BSPH1: variants seen among roughly 807,000 people sequenced by gnomAD.
BSPH1 encodes binder of sperm 1.
In BSPH1, 21 loss-of-function variants were observed where a neutral mutation model predicts 22.5. The ratio of observed to expected loss-of-function variants is 0.93; its 90% confidence interval spans 0.66 to 1.35. BSPH1 has a LOEUF of 1.35. Ranked by LOEUF, BSPH1 falls within the 40% of genes most tolerant of loss-of-function variation. The pLI, the probability that BSPH1 is intolerant of heterozygous loss-of-function variation, is 0.00. For synonymous variants in BSPH1, 42 were observed against 53.6 expected (o/e 0.78, Z 0.95); for missense variants, 141 against 154.2 (o/e 0.91, Z 0.45).
At chr19:47,970,861 A>G (rs570106621) in intron 5 of BSPH1, among the ~76,000 whole-genome samples, 1 of 152,326 alleles carries the variant, frequency 6.6e-6, no homozygotes, top group East Asian at 1.9e-4. Context: ...TGGCTCAGGT[A>G]GTCGCTCCTT....
At chr19:47,991,057 T>C (rs1969518156) in intron 1 of BSPH1, among the ~76,000 whole-genome samples, 1 of 150,982 alleles carries the variant, frequency 6.6e-6, no homozygotes, top group Non-Finnish European at 1.5e-5. Flanking sequence ...TCTTTTTCTT[T>C]CTTAAGGTAC....
chr19:47,970,558 T>C (rs776539050), intron 5 of BSPH1, among the ~76,000 whole-genome samples: 1 of 152,220 alleles, frequency 6.6e-6, no homozygotes, highest in Non-Finnish European at 1.5e-5. Context: ...ATCCTAATGC[T>C]GTGTCCCGAT....
At chr19:47,968,681 T>TAAAAAAAAAAA in intron 5 of BSPH1, among the ~76,000 whole-genome samples, 1 of 92,242 alleles carries the variant, frequency 1.1e-5, no homozygotes, top group Non-Finnish European at 2.0e-5. Flanking sequence ...GACCCTGTCT[T>TAAAAAAAAAAA]AAAAAAAAAA....
intron 1 of BSPH1, among the ~76,000 whole-genome samples, chr19:47,984,995 A>G (rs538253308): frequency 6.7e-5 from 10 of 148,888 alleles, no homozygotes; most frequent in African/African-American, 2.0e-4. Flanking sequence ...TGAACCTGGG[A>G]GGCAGAGGTT....
At chr19:47,989,112 TA>T (rs1339726629) in intron 1 of BSPH1, among the ~76,000 whole-genome samples, 487 of 30,444 alleles carry the variant, frequency 0.016, 4 homozygotes, top group Middle Eastern at 0.036. Context: ...GTCACCGTTT[TA>T]TTATTATTAT....
chr19:47,985,872 A>G (rs1383266376), intron 1 of BSPH1, among the ~76,000 whole-genome samples: 2 of 152,082 alleles, frequency 1.3e-5, no homozygotes, highest in Admixed American at 6.6e-5. Flanking sequence ...GAATGTAAAT[A>G]AAATGAAAGC....
At chr19:47,967,374 C>G (rs944661037), downstream of BSPH1, among the ~76,000 whole-genome samples, 2 of 152,166 alleles carry the variant, frequency 1.3e-5, no homozygotes, top group Non-Finnish European at 2.9e-5. Context: ...TCTTCTTTCT[C>G]CTTTGTCTTC....
At chr19:47,972,280 CTT>C (rs71181620) in intron 5 of BSPH1, among the ~76,000 whole-genome samples, 36 of 136,736 alleles carry the variant, frequency 2.6e-4, no homozygotes, top group African/African-American at 3.1e-4. Context: ...CCTTGATATT[CTT>C]TTTTTTTTTT....
intron 1 of BSPH1, among the ~76,000 whole-genome samples, chr19:47,987,301 C>T (rs1268447472): frequency 6.6e-6 from 1 of 152,142 alleles, no homozygotes; most frequent in South Asian, 2.1e-4. Flanking sequence ...TTCTGATTAA[C>T]CCCGTCCTCG....
chr19:47,975,816 C>T lies in BSPH1; in HGVS notation c.*2+894G>A, dbSNP rs55943728. ...GACTACAGGCACCCGCCACCACGCC[C>T]GGCTAATTTTTTGTATTTTTAGAAG... On this transcript the variant is annotated intron_variant, in intron 5 of 5. Coordinates refer to ENST00000344839, the MANE Select transcript of BSPH1 (RefSeq NM_001128326.2). Among the ~76,000 whole-genome samples, 86 of 151,994 alleles carry T rather than the reference C, an allele frequency of 5.7e-4. No homozygotes were observed. The South Asian group carries it at 8.3e-3, about 15-fold the overall frequency.
intron 1 of BSPH1, among the ~76,000 whole-genome samples, chr19:47,984,237 A>G (rs970947619): frequency 6.8e-5 from 10 of 147,764 alleles, no homozygotes; most frequent in Non-Finnish European, 1.5e-4. Flanking sequence ...TATATTATAT[A>G]TTTTTAAATT....
intron 5 of BSPH1, among the ~76,000 whole-genome samples, chr19:47,971,450 C>G (rs1347460484): frequency 6.6e-6 from 1 of 152,214 alleles, no homozygotes; most frequent in Non-Finnish European, 1.5e-5. Flanking sequence ...AGGTGATCTG[C>G]CCGCCTCGGC....
chr19:47,970,485 A>G (rs1969302185), intron 5 of BSPH1, among the ~76,000 whole-genome samples: 1 of 152,170 alleles, frequency 6.6e-6, no homozygotes, highest in African/African-American at 2.4e-5. Flanking sequence ...TAAAATGTGT[A>G]TTTTTAGTTC....
chr19:47,969,684 GGAGAGAGAGA>G (rs10589898), intron 5 of BSPH1, among the ~76,000 whole-genome samples: 28,375 of 113,686 alleles, frequency 0.25, 3,858 homozygotes, highest in Non-Finnish European at 0.32. Flanking sequence ...AGGGAGAGGG[GGAGAGAGAGA>G]GAGAGAGAGA....
chr19:47,991,754 C>T (rs1486055353), intron 1 of BSPH1, among the ~76,000 whole-genome samples: 2 of 106,934 alleles, frequency 1.9e-5, no homozygotes, highest in East Asian at 5.5e-4. Flanking sequence ...TTCTCTCCCT[C>T]CTCCTCTTCC....
intron 1 of BSPH1, among the ~76,000 whole-genome samples, chr19:47,990,118 CAA>C (rs11329791): frequency 0.017 from 1,689 of 99,354 alleles, 11 homozygotes; most frequent in Admixed American, 0.053. Context: ...GACTCCATCT[CAA>C]AAAAAAAAAA....
At chr19:47,968,769 T>C (rs1430579078) in intron 5 of BSPH1, among the ~76,000 whole-genome samples, 1 of 136,126 alleles carries the variant, frequency 7.3e-6, no homozygotes, top group Non-Finnish European at 1.6e-5. Flanking sequence ...GAGGCTGAGG[T>C]GGGCGGATTG....
At chr19:47,967,740 T>C (rs778804528), downstream of BSPH1, among the ~76,000 whole-genome samples, 2 of 152,210 alleles carry the variant, frequency 1.3e-5, no homozygotes, top group Non-Finnish European at 2.9e-5. Context: ...TCCTGGGGGT[T>C]GGGGCTTCAA....
At chr19:47,987,079 T>C (rs1308979046) in intron 1 of BSPH1, among the ~76,000 whole-genome samples, 2 of 152,232 alleles carry the variant, frequency 1.3e-5, no homozygotes, top group Non-Finnish European at 2.9e-5. Flanking sequence ...CCCGTATCCA[T>C]TGTGACTACA....
Sources: gnomAD v4.1 joint callset for allele counts (sites outside exome capture counted in the v4.1 genomes callset) on GRCh38, gnomAD v4.1.1 for gene constraint, MANE v1.5 for transcripts, NCBI Gene and HGNC (gene_info 2026-07-23, HGNC 2026-07-21) for gene names.